The following MAGI1 variants were observed in gnomAD, a reference collection of about 807,000 sequenced individuals.
MAGI1 encodes membrane associated guanylate kinase, WW and PDZ domain containing 1, also known as membrane-associated guanylate kinase, WW and PDZ domain-containing protein 1.
A neutral mutation model predicts 139.9 loss-of-function variants in MAGI1; 58 were observed. The ratio of observed to expected loss-of-function variants is 0.41; its 90% CI spans 0.34 to 0.52. MAGI1 has a LOEUF of 0.52. MAGI1 is among the 20% of genes least tolerant of loss of function. MAGI1 has a pLI of 0.12. For missense variants in MAGI1, 1,874 were observed against 1,901.6 expected (o/e 0.99, Z 0.27); for synonymous variants, 812 against 737.9 (o/e 1.10, Z -1.63).
chr3:65,505,838 TAAA>T (rs761473365), intron 2 of MAGI1, among the ~76,000 whole-genome samples: 1 of 152,000 alleles, frequency 6.6e-6, no homozygotes, highest in Non-Finnish European at 1.5e-5. Context: ...ATAAAGTTGT[TAAA>T]AAAACTCTTA....
intron 5 of MAGI1, among the ~76,000 whole-genome samples, chr3:65,454,636 C>T (rs1383797336): frequency 4.0e-5 from 6 of 149,418 alleles, no homozygotes; most frequent in African/African-American, 1.5e-4. Context: ...TTTTTTTGAA[C>T]TGTGACATTT....
intron 2 of MAGI1, among the ~76,000 whole-genome samples, chr3:65,548,605 C>A (rs2079635164): frequency 6.7e-6 from 1 of 149,596 alleles, no homozygotes; most frequent in South Asian, 2.1e-4. Context: ...TCACTGCAAC[C>A]TCTGCCTCCC....
intron 1 of MAGI1, among the ~76,000 whole-genome samples, chr3:65,773,862 T>G (rs1276979301): frequency 6.6e-6 from 1 of 152,198 alleles, no homozygotes; most frequent in Non-Finnish European, 1.5e-5. Context: ...GATTAAAATT[T>G]TTATATCTCA....
At chr3:66,008,893 G>GC (rs1381473260) in intron 1 of MAGI1, 1 of 152,264 alleles carries the variant, frequency 6.6e-6, no homozygotes, top group Admixed American at 6.5e-5. Flanking sequence ...GCCCTGAGAG[G>GC]CTTTAAGCAG....
At chr3:65,674,963 C>A (rs1046043586) in intron 1 of MAGI1, among the ~76,000 whole-genome samples, 2 of 152,162 alleles carry the variant, frequency 1.3e-5, no homozygotes, top group Admixed American at 6.5e-5. Flanking sequence ...TGGTTCCCAA[C>A]AGACAGGAGA....
At chr3:65,564,093 T>G (rs1461841577) in intron 2 of MAGI1, among the ~76,000 whole-genome samples, 1 of 152,134 alleles carries the variant, frequency 6.6e-6, no homozygotes, top group African/African-American at 2.4e-5. Flanking sequence ...TCGGAGCTCC[T>G]GCATTTACGC....
intron 4 of MAGI1, among the ~76,000 whole-genome samples, chr3:65,477,961 A>G (rs1372978240): frequency 6.6e-6 from 1 of 151,716 alleles, no homozygotes; most frequent in Non-Finnish European, 1.5e-5. Flanking sequence ...CTGAATATAG[A>G]TAAAATATAT....
At chr3:66,036,608 C>T (rs1463988930) in intron 1 of MAGI1, among the ~76,000 whole-genome samples, 1 of 152,188 alleles carries the variant, frequency 6.6e-6, no homozygotes. Flanking sequence ...GTCAGCTCCT[C>T]AGCTCCCAAA....
intron 1 of MAGI1, among the ~76,000 whole-genome samples, chr3:65,960,276 T>C (rs1576268996): frequency 6.6e-6 from 1 of 152,190 alleles, no homozygotes; most frequent in East Asian, 1.9e-4. Flanking sequence ...GTGGAAAAGC[T>C]CCCAGAAAAG....
rs778933016 is a variant in MAGI1, at chr3:65,356,833, C to T, written c.3934G>A (p.Ala1312Thr). The change falls in exon 23 of 23, where the codon GCG becomes ACG. Residue 1312 changes from alanine (A) to threonine (T), a missense_variant. By Grantham distance (58) the Ala-to-Thr change is moderately conservative. This residue lies in a region of MAGI1 where 653 missense variants were observed against 644.5 expected (regional missense o/e 1.01). Coordinates refer to ENST00000402939, the MANE Select transcript of MAGI1 (RefSeq NM_001033057.2). Reference sequence around the variant, plus strand: ...CTCTTGGGGCCGTTGGCGGCTGCCGCGCGCTCGGCCTGCGCGTCCCTCCGT... The same window carrying T: ...CTCTTGGGGCCGTTGGCGGCTGCCGTGCGCTCGGCCTGCGCGTCCCTCCGT... ...EGRRDAQAER[A>T]AAANGPKRRS... 1.9e-6 allele frequency: 3 copies of T among 1,612,188 alleles called. No homozygotes were observed. Among genetic ancestry groups the T allele is most frequent in the East Asian group, 2.2e-5 (1 of 44,798 alleles).
chr3:65,929,031 A>T (rs1156238333), intron 1 of MAGI1, among the ~76,000 whole-genome samples: 1 of 151,966 alleles, frequency 6.6e-6, no homozygotes, highest in African/African-American at 2.4e-5. Context: ...ACTCACACCT[A>T]TAATCCACCA....
At chr3:65,717,889 C>T (rs144316322) in intron 1 of MAGI1, among the ~76,000 whole-genome samples, 102 of 152,294 alleles carry the variant, frequency 6.7e-4, no homozygotes, top group Non-Finnish European at 1.2e-3. Context: ...TCAGCTCCAG[C>T]TCCACATAAA....
At chr3:65,537,396 G>T (rs986439628) in intron 2 of MAGI1, among the ~76,000 whole-genome samples, 3 of 152,048 alleles carry the variant, frequency 2.0e-5, no homozygotes, top group African/African-American at 7.2e-5. Flanking sequence ...GTTCCCTTTT[G>T]CATTTTCCCC....
At chr3:65,573,476 CCA>C (rs1447179212) in intron 2 of MAGI1, among the ~76,000 whole-genome samples, 3 of 151,758 alleles carry the variant, frequency 2.0e-5, no homozygotes, top group Non-Finnish European at 2.9e-5. Flanking sequence ...TACATAAAAT[CCA>C]CATAGTCCTC....
chr3:65,459,814 C>A (rs1559573015), intron 5 of MAGI1, among the ~76,000 whole-genome samples: 1 of 152,060 alleles, frequency 6.6e-6, no homozygotes, highest in South Asian at 2.1e-4. Context: ...GTCCCAGCTA[C>A]TTGGGAGGCT....
chr3:65,860,498 G>A lies in MAGI1; in HGVS notation c.313+177498C>T, dbSNP rs767783736. On this transcript the variant is annotated intron_variant, in intron 1 of 22. Transcript: ENST00000402939. ...GGCATGTCAGAAGCCACCGATCCGG[G>A]CAGCCCGCGCGTTCCCCTCCCTCCG... is the stretch of plus-strand genomic sequence containing the variant. Among the ~76,000 whole-genome samples the A allele has an allele frequency of 1.3e-3, 198 of 152,320 alleles. 1 individual carries two copies. Among genetic ancestry groups the A allele is most frequent in the Non-Finnish European group, 2.2e-3 (147 of 68,030 alleles).
chr3:65,887,404 AAG>A (rs1326145101), intron 1 of MAGI1, among the ~76,000 whole-genome samples: 55 of 148,160 alleles, frequency 3.7e-4, no homozygotes, highest in African/African-American at 1.2e-3. Context: ...AAAAAAAAAA[AAG>A]GGCAGGGGCA....
At chr3:66,031,032 G>A (rs550783782) in intron 1 of MAGI1, among the ~76,000 whole-genome samples, 83 of 152,294 alleles carry the variant, frequency 5.4e-4, no homozygotes, top group African/African-American at 1.9e-3. Context: ...GAATTCATAA[G>A]AAATACTACA....
At chr3:65,869,392 T>C (rs972906554) in intron 1 of MAGI1, among the ~76,000 whole-genome samples, 6 of 150,580 alleles carry the variant, frequency 4.0e-5, no homozygotes, top group Non-Finnish European at 8.9e-5. Flanking sequence ...GTTGTTGTTG[T>C]TGTTGTTGTT....
Sources: gnomAD v4.1 joint callset for allele counts (sites outside exome capture counted in the v4.1 genomes callset) on GRCh38, gnomAD v4.1.1 for gene constraint, gnomAD v4.1.1 regional missense constraint, MANE v1.5 for transcripts, NCBI Gene and HGNC (gene_info 2026-07-23, HGNC 2026-07-21) for gene names.